TENT4B: variants seen among roughly 807,000 people sequenced by gnomAD.
TENT4B encodes PAP associated domain containing 5.
A neutral mutation model predicts 75.0 loss-of-function variants in TENT4B; 10 were observed. The observed-to-expected ratio is 0.13, with a 90% CI of 0.08 to 0.23. The LOEUF is 0.23. Among genes scored for constraint, TENT4B ranks in the 10% least tolerant of loss-of-function variants. The pLI is 1.00. For missense variants in TENT4B, 579 were observed against 893.8 expected, an observed-to-expected ratio of 0.65 and a Z score of 4.49; for synonymous variants, 350 against 357.7, an observed-to-expected ratio of 0.98 and a Z score of 0.24.
intron 1 of TENT4B, among the ~76,000 whole-genome samples, chr16:50,174,168 G>A (rs773119186): frequency 6.6e-6 from 1 of 152,126 alleles, no homozygotes; most frequent in Non-Finnish European, 1.5e-5. Context: ...CATGATCTCA[G>A]CTCACTGCGA....
chr16:50,192,202 C>T (rs1472684131), intron 1 of TENT4B, among the ~76,000 whole-genome samples: 1 of 148,968 alleles, frequency 6.7e-6, no homozygotes, highest in Non-Finnish European at 1.5e-5. Flanking sequence ...GATCACACTC[C>T]AGCCTGGGTG....
chr16:50,171,237 C>CA (rs565551246), intron 1 of TENT4B, among the ~76,000 whole-genome samples: 191 of 152,134 alleles, frequency 1.3e-3, no homozygotes, highest in African/African-American at 4.1e-3. Context: ...CCTAACTCTA[C>CA]AAAAAATACA....
intron 3 of TENT4B, 100 bp from the exon 4 acceptor site, chr16:50,215,975 A>G (rs2031531524): frequency 6.9e-7 from 1 of 1,439,304 alleles, no homozygotes; most frequent in Middle Eastern, 1.8e-4. Flanking sequence ...AGGGTGGGAA[A>G]TAGGTTTTAA....
chr16:50,233,387 G>A lies in TENT4B; in HGVS notation c.*4059G>A, dbSNP rs1203161798. ...TCTCGATATTTAACATAGCTAAGAA[G>A]CCAGATTTTACTGTAGAAGTTATTT... On this transcript the variant is annotated 3_prime_UTR_variant, in exon 12 of 12. Coordinates refer to ENST00000561678, the MANE Select transcript of TENT4B (RefSeq NM_001365324.3). The A allele has an allele frequency of 1.0e-6, 1 of 985,248 alleles. No individual in the cohort carries two copies. Among genetic ancestry groups the A allele is most frequent in the Non-Finnish European group, 1.2e-6 (1 of 829,918 alleles). The allele number at this position is 985,248 out of a possible 1,614,324, so 61.0% of individuals were successfully genotyped here. A position where few individuals can be genotyped will look rare whatever the true frequency, so the allele number is the denominator to read the frequency against.
intron 2 of TENT4B, among the ~76,000 whole-genome samples, 183 bp from the exon 3 acceptor site, chr16:50,214,038 A>G (rs2031422774): frequency 6.6e-6 from 1 of 152,160 alleles, no homozygotes; most frequent in Non-Finnish European, 1.5e-5. Flanking sequence ...TATATTCAGA[A>G]TGTCTGCTTG....
intron 10 of TENT4B, among the ~76,000 whole-genome samples, chr16:50,226,421 T>TTTG (rs944698901): frequency 6.6e-6 from 1 of 152,180 alleles, no homozygotes; most frequent in African/African-American, 2.4e-5. Context: ...GGTTGAATTT[T>TTTG]TTGTTGTTGT....
intron 1 of TENT4B, among the ~76,000 whole-genome samples, chr16:50,207,635 CTG>C (rs989120959): frequency 6.6e-6 from 1 of 152,078 alleles, no homozygotes; most frequent in African/African-American, 2.4e-5. Flanking sequence ...ATATGAGAAA[CTG>C]TAACAATGGG....
Position 50,233,925 on chromosome 16 carries a change from A to G in TENT4B, c.*4597A>G, listed in dbSNP as rs1185550245. ...GTGGAAATCAGGTGTTCTCTTGTGTATTTCAGTGAACATTTTTATTAGTAG... is the reference window on the plus strand; with the variant it reads ...GTGGAAATCAGGTGTTCTCTTGTGTGTTTCAGTGAACATTTTTATTAGTAG... On this transcript the variant is annotated 3_prime_UTR_variant, in exon 12 of 12. Transcript: ENST00000561678. The G allele has an allele frequency of 3.0e-6, 3 of 985,330 alleles. No individual in the cohort carries two copies. In the African/African-American group the frequency reaches 5.2e-5, roughly 17 times the overall value. The allele number at this position is 985,330 out of a possible 1,614,324, so 61.0% of individuals were successfully genotyped here.
intron 1 of TENT4B, among the ~76,000 whole-genome samples, chr16:50,183,677 C>T (rs1471380627): frequency 6.6e-6 from 1 of 152,010 alleles, no homozygotes; most frequent in Admixed American, 6.6e-5. Context: ...CACAGGAACT[C>T]GATAAGTTGA....
chr16:50,207,005 T>C (rs1204701521), intron 1 of TENT4B, among the ~76,000 whole-genome samples: 1 of 151,950 alleles, frequency 6.6e-6, no homozygotes, highest in African/African-American at 2.4e-5. Context: ...TGTTCTGTTA[T>C]TAATTTTGAG....
chr16:50,182,484 TTG>T (rs1405129442), intron 1 of TENT4B, among the ~76,000 whole-genome samples: 4 of 152,206 alleles, frequency 2.6e-5, no homozygotes, highest in East Asian at 1.9e-4. Flanking sequence ...GCTGATAGTA[TTG>T]TGTCATTGTA....
chr16:50,227,978 C>T lies in TENT4B; in HGVS notation c.1940C>T (p.Thr647Ile). 2 of 1,613,994 alleles carry T rather than the reference C, an allele frequency of 1.2e-6. No homozygotes were observed. Among genetic ancestry groups the T allele is most frequent in the Non-Finnish European group, 1.7e-6 (2 of 1,179,874 alleles). ...ATGCAAAGCACCCAAACCACTAACACATCCAACAGCACCAACAAATCTCAG... is the reference window on the plus strand; with the variant it reads ...ATGCAAAGCACCCAAACCACTAACATATCCAACAGCACCAACAAATCTCAG... ...GKMQSTQTTN[T>I]SNSTNKSQHG... The change falls in exon 11 of 12, where the codon ACA (threonine) becomes ATA (isoleucine). Residue 647 changes from threonine to isoleucine, a missense_variant. Coordinates refer to ENST00000561678, the MANE Select transcript of TENT4B (RefSeq NM_001365324.3).
chr16:50,179,175 C>T (rs1047255340), intron 1 of TENT4B, among the ~76,000 whole-genome samples: 1 of 152,036 alleles, frequency 6.6e-6, no homozygotes, highest in African/African-American at 2.4e-5. Context: ...CCAGCCTGAC[C>T]AACATGGAGA....
At chr16:50,153,033 G>A (rs898867858), upstream of TENT4B, 60 of 1,513,462 alleles carry the variant, frequency 4.0e-5, no homozygotes, top group Non-Finnish European at 5.0e-5. Flanking sequence ...GGACGCCCAG[G>A]TACGTGGGAG....
At chr16:50,181,807 T>G (rs2038421441) in intron 1 of TENT4B, among the ~76,000 whole-genome samples, 1 of 152,184 alleles carries the variant, frequency 6.6e-6, no homozygotes, top group Non-Finnish European at 1.5e-5. Flanking sequence ...TCAGCCAAAC[T>G]GCTGCAGAGG....
Position 50,223,156 on chromosome 16 carries a change from C to A in TENT4B, c.1168-18C>A, listed in dbSNP as rs759637978. 2 of 1,549,918 alleles carry A rather than the reference C, an allele frequency of 1.3e-6. No individual in the cohort carries two copies. Among genetic ancestry groups the A allele is most frequent in the South Asian group, 1.2e-5 (1 of 84,786 alleles). On this transcript the variant is annotated intron_variant, in intron 6 of 11. Transcript: ENST00000561678. ...ATTTAGCAAAAATCCAATATAATTT[C>A]TTCTTTTCTGCTTTTAGTTACATCC...
intron 1 of TENT4B, among the ~76,000 whole-genome samples, chr16:50,165,474 G>A (rs2038082266): frequency 7.7e-6 from 1 of 129,332 alleles, no homozygotes; most frequent in Non-Finnish European, 1.7e-5. Flanking sequence ...CTTTTAAAGT[G>A]TACAGTTCAG....
Position 50,154,177 on chromosome 16 carries a change from G to C in TENT4B, c.556G>C (p.Gly186Arg). The stretch of plus-strand genomic sequence containing the variant: ...GCAGCCCAGCGGAGGGCGGGCCGCG[G>C]GGGGCGGCCGAGCAGACGGCGGCGG... ...LLQPSGGRAAGGGRADGGGVV... is the reference protein window; with the variant it reads ...LLQPSGGRAARGGRADGGGVV... Residue 186 changes from glycine (G) to arginine (R), a missense_variant, in exon 1 of 12, where the codon GGG becomes CGG. Gly to Arg is a moderately radical substitution (Grantham distance 125, BLOSUM62 -2). This residue lies in a region of TENT4B where 253 missense variants were observed against 270.1 expected (regional missense o/e 0.94). Coordinates refer to ENST00000561678, the MANE Select transcript of TENT4B (RefSeq NM_001365324.3). 1 of 1,509,922 alleles carries C rather than the reference G, an allele frequency of 6.6e-7. No homozygotes were observed. Among genetic ancestry groups the C allele is most frequent in the Non-Finnish European group, 8.8e-7 (1 of 1,136,840 alleles). The allele number at this position is 1,509,922 out of a possible 1,614,324, so 93.5% of individuals were successfully genotyped here.
intron 10 of TENT4B, among the ~76,000 whole-genome samples, 154 bp downstream of exon 10, chr16:50,225,439 TG>T (rs1330453100): frequency 1.3e-5 from 2 of 150,942 alleles, no homozygotes; most frequent in Non-Finnish European, 2.9e-5. Context: ...CTCAACATTT[TG>T]TTATGAAAAA....
Sources: allele counts gnomAD v4.1 joint callset (sites outside exome capture counted in the v4.1 genomes callset), GRCh38; gene constraint gnomAD v4.1.1; regional missense constraint gnomAD v4.1.1; transcripts MANE v1.5; gene names NCBI Gene and HGNC (gene_info 2026-07-23, HGNC 2026-07-21).